The following PCNX1 variants were observed in gnomAD, a reference collection of about 807,000 sequenced individuals.
The protein encoded by PCNX1 is pecanex-like protein 1.
A neutral mutation model predicts 242.2 loss-of-function variants in PCNX1; 78 were observed. That is an observed-to-expected ratio of 0.32 (90% CI 0.27 to 0.39). PCNX1 has a LOEUF of 0.39. Ranked by LOEUF, PCNX1 falls within the 10% of genes least tolerant of loss-of-function variation. PCNX1 has a pLI of 1.00. For missense variants in PCNX1, 2,581 were observed against 2,856.5 expected (o/e 0.90, Z 2.20); for synonymous variants, 1,024 against 1,032.9 (o/e 0.99, Z 0.17).
At chr14:70,999,067 C>G (rs891531307) in intron 8 of PCNX1, among the ~76,000 whole-genome samples, 2 of 152,114 alleles carry the variant, frequency 1.3e-5, no homozygotes, top group Admixed American at 1.3e-4. Context: ...CTAAATAAAA[C>G]AAGCTGTGAC....
At chr14:71,092,915 C>T (rs2062174281) in intron 30 of PCNX1, 1 of 152,158 alleles carries the variant, frequency 6.6e-6, no homozygotes, top group South Asian at 2.1e-4. Flanking sequence ...AAGTACCTTG[C>T]CAGTAAAGGA....
At chr14:71,079,984 C>T (rs1053518640) in intron 28 of PCNX1, among the ~76,000 whole-genome samples, 3 of 152,166 alleles carry the variant, frequency 2.0e-5, no homozygotes, top group African/African-American at 7.2e-5. Context: ...AGGTTTTCTT[C>T]TAGAGTTTTT....
rs73293851 is a variant in PCNX1, at chr14:70,983,146, A to G, written c.2311+4498A>G. Reference sequence around the variant, plus strand: ...GAAAGTGGATGCAAAATTGTATCTAACGGGTTGATATCTTTCATCCCATTC... The same window carrying G: ...GAAAGTGGATGCAAAATTGTATCTAGCGGGTTGATATCTTTCATCCCATTC... On this transcript the variant is annotated intron_variant, in intron 6 of 35. Coordinates refer to ENST00000304743, the MANE Select transcript of PCNX1 (RefSeq NM_014982.3). Among the ~76,000 whole-genome samples the G allele has an allele frequency of 1.5e-3, 226 of 152,340 alleles. 1 individual carries two copies. The highest frequency in any genetic ancestry group is 5.3e-3 in the African/African-American group (220 of 41,586).
chr14:70,913,505 A>T (rs1025775944), intron 1 of PCNX1, among the ~76,000 whole-genome samples: 1 of 152,214 alleles, frequency 6.6e-6, no homozygotes, highest in Non-Finnish European at 1.5e-5. Flanking sequence ...TACATGATAT[A>T]TACAGTAATA....
chr14:71,092,563 GA>G (rs1344921153), intron 30 of PCNX1: 2 of 152,138 alleles, frequency 1.3e-5, no homozygotes, highest in Middle Eastern at 2.6e-3. Context: ...AATCATTGAG[GA>G]AAAAGGTTAT....
chr14:70,918,187 G>A (rs1025157591), intron 1 of PCNX1, among the ~76,000 whole-genome samples: 4 of 152,216 alleles, frequency 2.6e-5, no homozygotes, highest in Admixed American at 1.3e-4. Flanking sequence ...GTTCACTGGA[G>A]TAGCACTTGT....
chr14:71,028,734 T>C lies in PCNX1; in HGVS notation c.3501T>C (p.Phe1167=). The change falls in exon 16 of 36, where the codon TTT becomes TTC. Residue 1167 remains phenylalanine, a synonymous_variant. Coordinates refer to ENST00000304743, the MANE Select transcript of PCNX1 (RefSeq NM_014982.3). ...TTSLLAALYS[F]ICSIVAVALL... Reference sequence around the variant, plus strand: ...GCCTGCTTGCAGCACTTTACAGTTTTATCTGTAGCATTGTTGCAGTAGCCT... The same window carrying C: ...GCCTGCTTGCAGCACTTTACAGTTTCATCTGTAGCATTGTTGCAGTAGCCT... 1 of 1,608,798 alleles carries C rather than the reference T, an allele frequency of 6.2e-7. No homozygotes were observed.
intron 11 of PCNX1, among the ~76,000 whole-genome samples, chr14:71,013,611 G>A (rs2059882260): frequency 6.8e-6 from 1 of 146,446 alleles, no homozygotes; most frequent in African/African-American, 2.4e-5. Context: ...GTGACCAACA[G>A]CTGTTTCCAG....
chr14:71,004,760 C>A (rs1458919008), intron 8 of PCNX1, among the ~76,000 whole-genome samples: 3 of 152,118 alleles, frequency 2.0e-5, no homozygotes, highest in Admixed American at 2.0e-4. Context: ...ATCTTAAAGG[C>A]CTTCTCTTTA....
chr14:70,983,859 G>A (rs970526631), intron 6 of PCNX1, among the ~76,000 whole-genome samples: 12 of 151,394 alleles, frequency 7.9e-5, no homozygotes, highest in African/African-American at 1.2e-4. Flanking sequence ...GTTGATGGTA[G>A]CATCGTTCTT....
intron 2 of PCNX1, among the ~76,000 whole-genome samples, chr14:70,949,731 C>A (rs2057701892): frequency 6.6e-6 from 1 of 152,184 alleles, no homozygotes; most frequent in South Asian, 2.1e-4. Flanking sequence ...TGTAGCATGA[C>A]CTTGGCCTTG....
At position 71,076,218 on chromosome 14, in the gene PCNX1, T is replaced by C. The variant is rs1372857386; in HGVS notation, c.5136T>C (p.Ser1712=). ...TCATTTATTATGTTACGACCTCGTC[T>C]AAGCTAGAGGAGTGGCTAGCTAATG... ...KGIIYYVTTS[S]KLEEWLANET... Residue 1712 remains serine (S), a synonymous_variant, in exon 28 of 36, where the codon TCT becomes TCC. Coordinates refer to ENST00000304743, the MANE Select transcript of PCNX1 (RefSeq NM_014982.3). 1 of 1,612,730 alleles carries C rather than the reference T, an allele frequency of 6.2e-7. No homozygotes were observed. The highest frequency in any genetic ancestry group is 1.7e-5 in the Admixed American group (1 of 60,016).
intron 1 of PCNX1, among the ~76,000 whole-genome samples, chr14:70,922,375 G>A (rs1341099051): frequency 1.3e-5 from 2 of 151,970 alleles, no homozygotes; most frequent in Admixed American, 6.6e-5. Flanking sequence ...ATAGGTATTA[G>A]ATGAAAACAT....
Position 70,988,663 on chromosome 14 carries a change from C to G in PCNX1, c.2408C>G (p.Pro803Arg). The G allele has an allele frequency of 4.3e-6, 7 of 1,613,940 alleles. No homozygotes were observed. The highest frequency in any genetic ancestry group is 5.9e-6 in the Non-Finnish European group (7 of 1,179,862). Residue 803 changes from proline to arginine, a missense_variant, in exon 7 of 36, where the codon CCT (proline) becomes CGT (arginine). This residue lies in a region of PCNX1 where 1,204 missense variants were observed against 1,216.7 expected (regional missense o/e 0.99). Transcript: ENST00000304743. Reference sequence around the variant, plus strand: ...CGCCGGCACAATGCAGGGAGTAACCCTACCCCTCCTACATTGCTCATCGGA... The same window carrying G: ...CGCCGGCACAATGCAGGGAGTAACCGTACCCCTCCTACATTGCTCATCGGA... Reference protein sequence around the residue: ...VRRRHNAGSNPTPPTLLIGSP... With the variant: ...VRRRHNAGSNRTPPTLLIGSP...
intron 5 of PCNX1, among the ~76,000 whole-genome samples, chr14:70,975,459 C>G (rs955933478): frequency 3.3e-5 from 5 of 152,058 alleles, no homozygotes; most frequent in South Asian, 2.1e-4. Flanking sequence ...ATTAATTAAT[C>G]ATAGCTAAAT....
chr14:70,920,936 G>A (rs1322616531), intron 1 of PCNX1, among the ~76,000 whole-genome samples: 1 of 152,158 alleles, frequency 6.6e-6, no homozygotes, highest in Non-Finnish European at 1.5e-5. Flanking sequence ...CTGGAATAGT[G>A]TTTCCATAAT....
chr14:71,075,694 C>T (rs1041497370), intron 27 of PCNX1, among the ~76,000 whole-genome samples: 1 of 152,024 alleles, frequency 6.6e-6, no homozygotes, highest in Non-Finnish European at 1.5e-5. Context: ...GTCAGGAGTT[C>T]AAGACCAACC....
At chr14:71,062,273 T>C (rs1160214463) in intron 26 of PCNX1, among the ~76,000 whole-genome samples, 1 of 152,138 alleles carries the variant, frequency 6.6e-6, no homozygotes, top group Non-Finnish European at 1.5e-5. Flanking sequence ...TCTGAAGGCC[T>C]TCCAGTGGGA....
At chr14:70,910,014 A>G (rs1369364251) in intron 1 of PCNX1, among the ~76,000 whole-genome samples, 1 of 21,318 alleles carries the variant, frequency 4.7e-5, no homozygotes. Flanking sequence ...TCAAAACCTA[A>G]CTAGACGACG....
Sources: gnomAD v4.1 joint callset for allele counts (sites outside exome capture counted in the v4.1 genomes callset) on GRCh38, gnomAD v4.1.1 for gene constraint, gnomAD v4.1.1 regional missense constraint, MANE v1.5 for transcripts, NCBI Gene and HGNC (gene_info 2026-07-23, HGNC 2026-07-21) for gene names.